The following CNTNAP2 variants were observed in gnomAD, a reference collection of about 807,000 sequenced individuals.
CNTNAP2 encodes contactin associated protein 2, also known as contactin-associated protein-like 2.
CNTNAP2 carries 98 observed loss-of-function variants against 155.2 expected under a neutral mutation model. The observed-to-expected ratio is 0.63, with a 90% CI of 0.54 to 0.75. The LOEUF is 0.75. CNTNAP2 is among the 30% of genes least tolerant of loss of function. The pLI is 0.00. For synonymous variants in CNTNAP2, 651 were observed against 631.2 expected, an observed-to-expected ratio of 1.03 and a Z score of -0.47; for missense variants, 1,727 against 1,688.1, an observed-to-expected ratio of 1.02 and a Z score of -0.40.
chr7:147,506,479 T>C (rs2116679568), intron 11 of CNTNAP2, among the ~76,000 whole-genome samples: 1 of 152,278 alleles, frequency 6.6e-6, no homozygotes, highest in African/African-American at 2.4e-5. Context: ...GGTGTCAAAA[T>C]CCCGACCTCA....
intron 1 of CNTNAP2, among the ~76,000 whole-genome samples, chr7:146,681,382 T>C (rs1800498737): frequency 7.6e-6 from 1 of 131,744 alleles, no homozygotes; most frequent in East Asian, 2.3e-4. Flanking sequence ...AATGGTGTTA[T>C]TCATGGACAC....
At chr7:146,304,877 T>G (rs1800680718) in intron 1 of CNTNAP2, among the ~76,000 whole-genome samples, 1 of 152,166 alleles carries the variant, frequency 6.6e-6, no homozygotes, top group South Asian at 2.1e-4. Flanking sequence ...CCAACTTGGT[T>G]CCATTCTCCC....
chr7:146,975,632 T>G (rs1274864982), intron 3 of CNTNAP2, among the ~76,000 whole-genome samples: 1 of 152,070 alleles, frequency 6.6e-6, no homozygotes, highest in Non-Finnish European at 1.5e-5. Context: ...GTTTTACCCC[T>G]CCCACCCTAG....
At chr7:147,049,929 T>C (rs565815908) in intron 4 of CNTNAP2, among the ~76,000 whole-genome samples, 2 of 152,314 alleles carry the variant, frequency 1.3e-5, no homozygotes, top group South Asian at 4.1e-4. Flanking sequence ...AGACGCTGAC[T>C]CTATTCCAGG....
chr7:146,478,843 A>T lies in CNTNAP2; in HGVS notation c.98-295428A>T, dbSNP rs116199830. Among the ~76,000 whole-genome samples, 273 of 152,266 alleles carry T rather than the reference A, an allele frequency of 1.8e-3. 1 individual carries two copies. Among genetic ancestry groups the T allele is most frequent in the African/African-American group, 5.8e-3 (242 of 41,552 alleles). On this transcript the variant is annotated intron_variant, in intron 1 of 23. Coordinates refer to ENST00000361727, the MANE Select transcript of CNTNAP2 (RefSeq NM_014141.6). ...TTAGGAGAGTTTTCTATTAACATGT[A>T]GTTTAATGTTGTCTTTCCAGTTAAT...
At chr7:146,932,973 G>A (rs926976526) in intron 3 of CNTNAP2, among the ~76,000 whole-genome samples, 3 of 152,126 alleles carry the variant, frequency 2.0e-5, no homozygotes, top group African/African-American at 7.2e-5. Flanking sequence ...CCATGCTCAT[G>A]GGTAGGAAGA....
chr7:147,745,664 T>A (rs565563739), intron 13 of CNTNAP2, among the ~76,000 whole-genome samples: 1 of 152,356 alleles, frequency 6.6e-6, no homozygotes, highest in Admixed American at 6.5e-5. Context: ...GAAATGTGAC[T>A]ATAATGAAGT....
intron 12 of CNTNAP2, among the ~76,000 whole-genome samples, chr7:147,586,433 G>T (rs67284428): frequency 0.29 from 44,404 of 150,840 alleles, 7,331 homozygotes; most frequent in African/African-American, 0.45. Context: ...AAATGCCCTT[G>T]GCCAAGAGGT....
chr7:147,103,458 T>A (rs1800693949), intron 4 of CNTNAP2, among the ~76,000 whole-genome samples: 1 of 152,162 alleles, frequency 6.6e-6, no homozygotes, highest in South Asian at 2.1e-4. Flanking sequence ...TAAACTTCAG[T>A]TTCAGAAATG....
intron 1 of CNTNAP2, among the ~76,000 whole-genome samples, chr7:146,360,843 C>G (rs1795071493): frequency 1.3e-5 from 2 of 152,126 alleles, no homozygotes; most frequent in Admixed American, 1.3e-4. Flanking sequence ...ACAAACGTAT[C>G]CCCTTGAAGT....
At chr7:148,415,302 GTTGTGTTTTAT>G (rs1799955335) in intron 23 of CNTNAP2, 104 bp from the exon 24 acceptor site, 1 of 1,052,010 alleles carries the variant, frequency 9.5e-7, no homozygotes, top group East Asian at 2.5e-5. Context: ...TGTTTTGGAG[GTTGTGTTTTAT>G]ATGGGAGAGG....
rs187650043 is a variant in CNTNAP2 at position 146,984,772 on chromosome 7, C to A, written c.403-59135C>A. The stretch of plus-strand genomic sequence containing the variant: ...GAAAGATTAGGTTTTCTTTTTGAGT[C>A]CTTCTGGCTCTCCCATTGTCCCTGT... On this transcript the variant is annotated intron_variant, in intron 3 of 23. Coordinates refer to ENST00000361727, the MANE Select transcript of CNTNAP2 (RefSeq NM_014141.6). 2.0e-5 allele frequency among the ~76,000 whole-genome samples: 3 copies of A among 152,214 alleles called. No homozygotes were observed. In the East Asian group the frequency reaches 5.8e-4, roughly 29 times the overall value.
At chr7:146,445,480 T>A (rs1310819890) in intron 1 of CNTNAP2, among the ~76,000 whole-genome samples, 1 of 152,158 alleles carries the variant, frequency 6.6e-6, no homozygotes, top group Non-Finnish European at 1.5e-5. Context: ...ACAAAAGAGT[T>A]CCCAGAGTTT....
In CNTNAP2 at chr7:146,889,729, C is replaced by T. The variant is rs1022127276; in HGVS notation, c.402+49825C>T. Among the ~76,000 whole-genome samples, 7 of 152,036 alleles carry T rather than the reference C, an allele frequency of 4.6e-5. 1 individual carries two copies. Among genetic ancestry groups the T allele is most frequent in the African/African-American group, 1.4e-4 (6 of 41,416 alleles). ...TCACTTATTCCTAGTGTATAGACTA[C>T]GGAGAACACAGAAAGTTTTCTGAAG... On this transcript the variant is annotated intron_variant, in intron 3 of 23. Coordinates refer to ENST00000361727, the MANE Select transcript of CNTNAP2 (RefSeq NM_014141.6).
chr7:147,964,534 A>T (rs938328985), intron 14 of CNTNAP2, among the ~76,000 whole-genome samples: 1 of 152,202 alleles, frequency 6.6e-6, no homozygotes, highest in African/African-American at 2.4e-5. Context: ...GGAGAAAAAT[A>T]AATTCACATT....
At chr7:147,885,512 C>T (rs1245973200) in intron 13 of CNTNAP2, among the ~76,000 whole-genome samples, 1 of 152,102 alleles carries the variant, frequency 6.6e-6, no homozygotes, top group African/African-American at 2.4e-5. Flanking sequence ...TTCAGAACTC[C>T]ACCCCCCGCC....
rs1215469358 is a variant in CNTNAP2 at position 148,407,973 on chromosome 7, A to AGT, written c.3716-1416_3716-1415dup. Reference sequence around the variant, plus strand: ...AAGAATATCAAGTCTGGCCAGGTGCAGTGGCTCATGCCTGTAATTGCAGCA... The same window carrying AGT: ...AAGAATATCAAGTCTGGCCAGGTGCAGTGTGGCTCATGCCTGTAATTGCAGCA... On this transcript the variant is annotated intron_variant, in intron 22 of 23. Transcript: ENST00000361727. Among the ~76,000 whole-genome samples the AGT allele has an allele frequency of 1.1e-4, 17 of 152,328 alleles. No individual in the cohort carries two copies. In the East Asian group the frequency reaches 3.1e-3, roughly 28 times the overall value.
chr7:148,077,900 C>A (rs1803522780), intron 15 of CNTNAP2, among the ~76,000 whole-genome samples: 1 of 152,108 alleles, frequency 6.6e-6, no homozygotes, highest in Non-Finnish European at 1.5e-5. Context: ...TCTTGTTTTT[C>A]TTACCAGTTT....
chr7:148,315,947 T>A (rs1184065595), intron 21 of CNTNAP2, among the ~76,000 whole-genome samples: 1 of 152,208 alleles, frequency 6.6e-6, no homozygotes, highest in Non-Finnish European at 1.5e-5. Flanking sequence ...ATATTATTTA[T>A]GCTTTCATTT....
Sources: gnomAD v4.1 joint callset for allele counts (sites outside exome capture counted in the v4.1 genomes callset) on GRCh38, gnomAD v4.1.1 for gene constraint, MANE v1.5 for transcripts, NCBI Gene and HGNC (gene_info 2026-07-23, HGNC 2026-07-21) for gene names.